Variants in MCF2L observed in about 807,000 individuals in gnomAD.
MCF2L encodes the protein MCF.2 cell line derived transforming sequence like.
Under a neutral mutation model 153.4 loss-of-function variants are expected in MCF2L, and 97 were observed. The observed-to-expected ratio is 0.63, with a 90% CI of 0.54 to 0.75. MCF2L has a LOEUF of 0.75. Among genes scored for constraint, MCF2L ranks in the 30% least tolerant of loss-of-function variants. The pLI, the probability that MCF2L is intolerant of heterozygous loss-of-function variation, is 0.00. For missense variants in MCF2L, 1,347 were observed against 1,495.2 expected (o/e 0.90, Z 1.64); for synonymous variants, 659 against 632.2 (o/e 1.04, Z -0.64).
intron 4 of MCF2L, among the ~76,000 whole-genome samples, chr13:113,058,725 T>TGCTGGGTGGGC (rs2030772329): frequency 9.9e-6 from 1 of 101,210 alleles, no homozygotes. Context: ...ACTGAGTGGG[T>TGCTGGGTGGGC]GCTGTGTGGG....
At chr13:112,999,176 G>A (rs567805325) in intron 1 of MCF2L, among the ~76,000 whole-genome samples, 1 of 152,178 alleles carries the variant, frequency 6.6e-6, no homozygotes, top group Non-Finnish European at 1.5e-5. Context: ...GGGCCAGACC[G>A]CCTGGGTCTG....
Position 112,915,377 on chromosome 13 carries a change from C to T in MCF2L, c.169+13006C>T, listed in dbSNP as rs931573192. 4.1e-5 allele frequency among the ~76,000 whole-genome samples: 5 copies of T among 121,810 alleles called. No individual in the cohort carries two copies. The Admixed American group carries it at 5.0e-4, about 12-fold the overall frequency. 79.9% of individuals were successfully genotyped at this position (121,810 alleles called of 152,430 possible). A position where few individuals can be genotyped will look rare whatever the true frequency, so the allele number is the denominator to read the frequency against. The stretch of plus-strand genomic sequence containing the variant: ...TGAGCTGAGATTGCGCCACTGCACT[C>T]CAGCTTGGGTGACAGAGCAAGACTC... On this transcript the variant is annotated intron_variant, in intron 2 of 29. Transcript: ENST00000375608.
chr13:113,048,792 T>C (rs547826954), intron 4 of MCF2L, among the ~76,000 whole-genome samples: 34 of 152,286 alleles, frequency 2.2e-4, no homozygotes, highest in African/African-American at 8.2e-4. Context: ...TCCTGAGGCT[T>C]TTCTCTGTCC....
intron 3 of MCF2L, chr13:113,044,169 T>A (rs1407796518): frequency 4.7e-6 from 1 of 212,478 alleles, no homozygotes; most frequent in East Asian, 1.0e-4. Context: ...TAGTGTTTAT[T>A]CGTGTACTCA....
chr13:113,069,548 T>C (rs1356154394), intron 8 of MCF2L, among the ~76,000 whole-genome samples: 5 of 82,622 alleles, frequency 6.1e-5, no homozygotes, highest in Non-Finnish European at 9.9e-5. Context: ...GAGCCGAGAT[T>C]GCACCTGGGT....
chr13:113,050,233 TGA>T (rs370391645), intron 4 of MCF2L, among the ~76,000 whole-genome samples: 151 of 151,292 alleles, frequency 1.0e-3, no homozygotes, highest in African/African-American at 3.3e-3. Flanking sequence ...TGTGAGTGTG[TGA>T]GTGTGTGCGC....
At position 113,096,597 on chromosome 13, in the gene MCF2L, G is replaced by T; in HGVS notation, c.3236G>T (p.Ser1079Ile). The change falls in exon 29 of 30, where the codon AGC becomes ATC. Residue 1079 changes from serine to isoleucine, a missense_variant. Coordinates refer to ENST00000535094, the MANE Select transcript of MCF2L (RefSeq NM_001112732.3). The part of the protein sequence containing the change: ...TTGKEGWVPA[S>I]SLSVRLGPSG... ...GGCAAGGAGGGCTGGGTGCCGGCCA[G>T]CAGCCTGTCCGTCCGGCTCGGCCCG... 6.2e-7 allele frequency: 1 copy of T among 1,603,154 alleles called. No homozygotes were observed. The highest frequency in any genetic ancestry group is 8.5e-7 in the Non-Finnish European group (1 of 1,178,314).
chr13:113,048,419 G>T (rs2086966709), intron 4 of MCF2L, among the ~76,000 whole-genome samples: 1 of 148,998 alleles, frequency 6.7e-6, no homozygotes, highest in Admixed American at 6.7e-5. Flanking sequence ...GTGCTTTCTT[G>T]CTATAATAAT....
rs1156472385 is a variant in MCF2L at position 113,099,731 on chromosome 13, A to T, written c.*2872A>T. The stretch of plus-strand genomic sequence containing the variant: ...CCATATCAAATAAAAAATTTTAAAT[A>T]TGAGAGAACCATTATGAACACCTTT... On this transcript the variant is annotated 3_prime_UTR_variant, in exon 30 of 30. Coordinates refer to ENST00000535094, the MANE Select transcript of MCF2L (RefSeq NM_001112732.3). 1 of 152,224 alleles carries T rather than the reference A, an allele frequency of 6.6e-6. No homozygotes were observed. Among genetic ancestry groups the T allele is most frequent in the Non-Finnish European group, 1.5e-5 (1 of 68,044 alleles). 9.4% of individuals were successfully genotyped at this position (152,224 alleles called of 1,614,324 possible). A position where few individuals can be genotyped will look rare whatever the true frequency, so the allele number is the denominator to read the frequency against.
At chr13:112,909,131 C>A in intron 2 of MCF2L, 2 of 742,462 alleles carry the variant, frequency 2.7e-6, no homozygotes, top group Admixed American at 1.7e-5. Context: ...TCTCTCCCTC[C>A]TGCTTGCCTC....
At chr13:113,044,831 C>G (rs370834916) in intron 3 of MCF2L, 105 of 1,612,802 alleles carry the variant, frequency 6.5e-5, no homozygotes, top group Middle Eastern at 1.6e-4. Context: ...CATGCCACCA[C>G]GAGTGAATCC....
intron 1 of MCF2L, among the ~76,000 whole-genome samples, chr13:112,894,768 C>T (rs937562351): frequency 1.3e-5 from 2 of 152,118 alleles, no homozygotes; most frequent in African/African-American, 4.8e-5. Flanking sequence ...ACCCCCTGGA[C>T]GGGCTTCTGC....
At position 113,046,845 on chromosome 13, in the gene MCF2L, C is replaced by T. The variant is rs1353307461; in HGVS notation, c.369+1484C>T. 8.5e-6 allele frequency: 3 copies of T among 352,430 alleles called. No homozygotes were observed. The highest frequency in any genetic ancestry group is 7.7e-5 in the East Asian group (1 of 13,068). The allele number at this position is 352,430 out of a possible 1,614,324, so 21.8% of individuals were successfully genotyped here. A position where few individuals can be genotyped will look rare whatever the true frequency, so the allele number is the denominator to read the frequency against. On this transcript the variant is annotated intron_variant, in intron 4 of 29. Transcript: ENST00000535094. The surrounding 1 kb of genome is among the most constrained non-coding windows in gnomAD (Gnocchi z 4.4). The stretch of plus-strand genomic sequence containing the variant: ...TTCAGGATGCTTCCAAAAAAGTAGA[C>T]GTGTATAGAATCGGTCTTCCTTTGT...
chr13:112,911,431 T>A (rs1480516240), intron 2 of MCF2L, among the ~76,000 whole-genome samples: 1 of 152,218 alleles, frequency 6.6e-6, no homozygotes, highest in African/African-American at 2.4e-5. Context: ...GCTAGTCCTG[T>A]GCGCCCACCA....
intron 2 of MCF2L, among the ~76,000 whole-genome samples, chr13:112,929,345 G>A (rs914232018): frequency 2.6e-5 from 4 of 152,208 alleles, no homozygotes; most frequent in African/African-American, 4.8e-5. Flanking sequence ...GCAACGCTGC[G>A]GTTTGTTCAA....
chr13:113,043,833 G>A (rs1438124173), intron 3 of MCF2L: 3 of 152,222 alleles, frequency 2.0e-5, no homozygotes, highest in African/African-American at 7.2e-5. Flanking sequence ...CAGTAGCTGG[G>A]ACCACAGGCA....
At position 113,045,103 on chromosome 13, in the gene MCF2L, G is replaced by A. The variant is rs372779620; in HGVS notation, c.279-168G>A. The A allele has an allele frequency of 4.2e-5, 38 of 915,312 alleles. No homozygotes were observed. The highest frequency in any genetic ancestry group is 8.2e-5 in the African/African-American group (5 of 60,974). 56.7% of individuals were successfully genotyped at this position (915,312 alleles called of 1,614,324 possible). On this transcript the variant is annotated intron_variant, in intron 3 of 29. Transcript: ENST00000535094. This position sits in a 1 kb window ranked among gnomAD's most constrained non-coding sequence, Gnocchi z 4.2. ...AGATGAGAGCAGGTTCTGGGACTGC[G>A]GGGATGGGGCTGCCGGGGCCCCCGT...
intron 26 of MCF2L, chr13:113,090,342 T>G: frequency 1.0e-6 from 1 of 985,478 alleles, no homozygotes; most frequent in African/African-American, 1.7e-5. Context: ...TAGAGGTGGC[T>G]TTCCTTCGGG....
At chr13:113,020,316 G>T (rs2993303) in intron 2 of MCF2L, among the ~76,000 whole-genome samples, 1 of 152,018 alleles carries the variant, frequency 6.6e-6, no homozygotes, top group African/African-American at 2.4e-5. Context: ...CATCACGTCC[G>T]TGGAGAAAAC....
Sources: allele counts gnomAD v4.1 joint callset (sites outside exome capture counted in the v4.1 genomes callset), GRCh38; gene constraint gnomAD v4.1.1; non-coding constraint Gnocchi (gnomAD v3.1); transcripts MANE v1.5; gene names NCBI Gene and HGNC (gene_info 2026-07-23, HGNC 2026-07-21).